COL19A1: variants seen among roughly 807,000 people sequenced by gnomAD.
The protein encoded by COL19A1 is collagen alpha-1(XIX) chain.
Under a neutral mutation model 190.2 loss-of-function variants are expected in COL19A1, and 159 were observed. That is an observed-to-expected ratio of 0.84 (90% CI 0.73 to 0.95). The LOEUF (loss-of-function observed/expected upper bound fraction) is 0.95, where lower values mean the gene tolerates loss of function less well. COL19A1 is among the 40% of genes least tolerant of loss of function. The pLI, the probability that COL19A1 is intolerant of heterozygous loss-of-function variation, is 0.00. For missense variants in COL19A1, 1,418 were observed against 1,431.9 expected (o/e 0.99, Z 0.16); for synonymous variants, 509 against 458.9 (o/e 1.11, Z -1.39).
chr6:69,990,339 T>C (rs955575914), intron 11 of COL19A1, among the ~76,000 whole-genome samples: 13 of 152,114 alleles, frequency 8.5e-5, no homozygotes, highest in African/African-American at 2.7e-4. Flanking sequence ...ATTATTTCAT[T>C]ATAACACTTA....
At chr6:69,918,135 T>C (rs1472393439) in intron 4 of COL19A1, among the ~76,000 whole-genome samples, 1 of 152,158 alleles carries the variant, frequency 6.6e-6, no homozygotes, top group Non-Finnish European at 1.5e-5. Flanking sequence ...GATCACATCA[T>C]ACCTTATGAG....
chr6:69,994,526 G>C (rs1193293965), intron 11 of COL19A1, among the ~76,000 whole-genome samples: 1 of 152,076 alleles, frequency 6.6e-6, no homozygotes, highest in African/African-American at 2.4e-5. Flanking sequence ...AGACTAAATT[G>C]TCTCTCTCAG....
At chr6:70,199,518 TTTTG>T (rs747147346) in intron 48 of COL19A1, 86 bp from the exon 49 acceptor site, 303 of 1,029,146 alleles carry the variant, frequency 2.9e-4, no homozygotes, top group Non-Finnish European at 1.7e-4. Flanking sequence ...AACTAAATCT[TTTTG>T]TTTGTTTGAT....
intron 16 of COL19A1, among the ~76,000 whole-genome samples, chr6:70,105,995 A>G (rs997569792): frequency 6.6e-6 from 1 of 152,210 alleles, no homozygotes; most frequent in Non-Finnish European, 1.5e-5. Context: ...ACAAAGGAAT[A>G]GGAATTACCA....
Position 70,207,215 on chromosome 6 carries a change from A to G in COL19A1, c.3370A>G (p.Asn1124Asp). Residue 1124 changes from asparagine (N) to aspartate (D), a missense_variant, in exon 51 of 51, where the codon AAC becomes GAC. Physicochemically the swap from Asn to Asp is conservative, Grantham distance 23. Transcript: ENST00000620364. ...QGPPGPSGRC[N>D]PEDCLYPVSH... ...CCCCCCAGGACCCAGTGGAAGATGTAACCCAGAAGATTGCCTCTATCCTGT... is the reference window on the plus strand; with the variant it reads ...CCCCCCAGGACCCAGTGGAAGATGTGACCCAGAAGATTGCCTCTATCCTGT... The G allele has an allele frequency of 6.2e-7, 1 of 1,614,058 alleles. No individual in the cohort carries two copies. The highest frequency in any genetic ancestry group is 8.5e-7 in the Non-Finnish European group (1 of 1,179,972).
intron 42 of COL19A1, among the ~76,000 whole-genome samples, chr6:70,179,450 G>A (rs945004059): frequency 4.6e-5 from 7 of 152,088 alleles, no homozygotes; most frequent in African/African-American, 9.7e-5. Context: ...TGCCCCTCTC[G>A]TCCCTCGCTG....
intron 14 of COL19A1, among the ~76,000 whole-genome samples, chr6:70,054,179 G>A (rs566070949): frequency 1.3e-5 from 2 of 152,198 alleles, no homozygotes; most frequent in South Asian, 2.1e-4. Flanking sequence ...GCAAAACTCC[G>A]TCTCTACTAA....
intron 15 of COL19A1, among the ~76,000 whole-genome samples, chr6:70,092,094 A>C (rs946354267): frequency 6.6e-6 from 1 of 152,140 alleles, no homozygotes; most frequent in African/African-American, 2.4e-5. Flanking sequence ...ATGCCGTCTG[A>C]ACACACTTGA....
intron 15 of COL19A1, among the ~76,000 whole-genome samples, chr6:70,080,502 A>T (rs1218825924): frequency 2.6e-5 from 4 of 152,166 alleles, no homozygotes; most frequent in Non-Finnish European, 4.4e-5. Flanking sequence ...TTACAAGAGC[A>T]TTTCTGTTAT....
chr6:70,064,946 C>T (rs536606717), intron 14 of COL19A1, among the ~76,000 whole-genome samples: 56 of 151,920 alleles, frequency 3.7e-4, no homozygotes, highest in Admixed American at 1.0e-3. Flanking sequence ...CACTGCTCAA[C>T]GAAATAAAAG....
At chr6:69,939,946 A>G (rs1372876565) in intron 9 of COL19A1, among the ~76,000 whole-genome samples, 2 of 152,124 alleles carry the variant, frequency 1.3e-5, no homozygotes, top group East Asian at 1.9e-4. Context: ...TGTGATTTAT[A>G]CACGTTCACA....
intron 49 of COL19A1, among the ~76,000 whole-genome samples, chr6:70,202,302 C>G (rs1767601589): frequency 6.6e-6 from 1 of 152,114 alleles, no homozygotes. Flanking sequence ...CCATTTGGTT[C>G]TGAAATACAT....
chr6:70,007,578 G>A (rs1341076917), intron 11 of COL19A1, among the ~76,000 whole-genome samples: 1 of 151,900 alleles, frequency 6.6e-6, no homozygotes, highest in Non-Finnish European at 1.5e-5. Context: ...AATGCATGAA[G>A]CAGAGACGGA....
intron 17 of COL19A1, among the ~76,000 whole-genome samples, chr6:70,122,914 T>A (rs1259290330): frequency 1.3e-5 from 2 of 152,204 alleles, no homozygotes; most frequent in East Asian, 3.8e-4. Flanking sequence ...GGAAAGTTTT[T>A]TATACTTTAT....
rs111265263 is a variant in COL19A1 at position 69,962,839 on chromosome 6, T to G, written c.995T>G (p.Phe332Cys). Residue 332 changes from phenylalanine to cysteine, a missense_variant, in exon 11 of 51, where the codon TTT (phenylalanine) becomes TGT (cysteine). By Grantham distance (205) the Phe-to-Cys change is radical. Transcript: ENST00000620364. Reference sequence around the variant, plus strand: ...CCTCTTCTACAGGGAGAGCAAGGTTTTGAAGGCAGCAAAGGAGAAACTGGT... The same window carrying G: ...CCTCTTCTACAGGGAGAGCAAGGTTGTGAAGGCAGCAAAGGAGAAACTGGT... Reference protein sequence around the residue: ...GFPGQKGEQGFEGSKGETGEK... With the variant: ...GFPGQKGEQGCEGSKGETGEK... 3.9e-4 allele frequency: 622 copies of G among 1,608,710 alleles called. 8 individuals are homozygous for G. The African/African-American group carries it at 7.0e-3, about 18-fold the overall frequency.
intron 15 of COL19A1, among the ~76,000 whole-genome samples, chr6:70,083,914 T>G (rs1263878267): frequency 6.6e-6 from 1 of 152,152 alleles, no homozygotes. Flanking sequence ...ACTGATTATA[T>G]AAATAGAATT....
chr6:70,181,022 G>T (rs1425590350), intron 44 of COL19A1, among the ~76,000 whole-genome samples: 1 of 152,166 alleles, frequency 6.6e-6, no homozygotes, highest in Non-Finnish European at 1.5e-5. Context: ...CTGATCTGTG[G>T]TATTGATGTG....
At chr6:69,938,739 G>C (rs1186955764) in intron 9 of COL19A1, among the ~76,000 whole-genome samples, 3 of 152,040 alleles carry the variant, frequency 2.0e-5, no homozygotes, top group Non-Finnish European at 4.4e-5. Flanking sequence ...CAGTGGACTG[G>C]ACCTCTAAGT....
At chr6:70,006,584 C>A (rs1777639463) in intron 11 of COL19A1, among the ~76,000 whole-genome samples, 1 of 152,140 alleles carries the variant, frequency 6.6e-6, no homozygotes. Flanking sequence ...TTCTAGTCGG[C>A]CATCTTGGCC....
Sources: gnomAD v4.1 joint callset for allele counts (sites outside exome capture counted in the v4.1 genomes callset) on GRCh38, gnomAD v4.1.1 for gene constraint, MANE v1.5 for transcripts, NCBI Gene and HGNC (gene_info 2026-07-23, HGNC 2026-07-21) for gene names.